The following SPTLC1 variants were observed in gnomAD, a reference collection of about 807,000 sequenced individuals.
SPTLC1 encodes serine palmitoyltransferase long chain base subunit 1, also known as serine palmitoyltransferase 1.
In SPTLC1, 55 loss-of-function variants were observed where a neutral mutation model predicts 68.9. The observed-to-expected ratio is 0.80, with a 90% confidence interval of 0.64 to 1.00. The LOEUF (loss-of-function observed/expected upper bound fraction) is 1.00, where lower values mean the gene tolerates loss of function less well. Ranked by LOEUF, SPTLC1 falls within the 50% of genes least tolerant of loss-of-function variation. SPTLC1 has a pLI of 0.00. For missense variants in SPTLC1, 449 were observed against 573.1 expected, an observed-to-expected ratio of 0.78 and a Z score of 2.21; for synonymous variants, 197 against 201.6, an observed-to-expected ratio of 0.98 and a Z score of 0.19.
chr9:92,045,171 A>C (rs1833465732), intron 12 of SPTLC1, among the ~76,000 whole-genome samples: 1 of 152,332 alleles, frequency 6.6e-6, no homozygotes, highest in African/African-American at 2.4e-5. Context: ...GTACTCATTT[A>C]TCAATTGTCC....
intron 3 of SPTLC1, among the ~76,000 whole-genome samples, chr9:92,102,114 G>A (rs1835776065): frequency 6.6e-6 from 1 of 152,164 alleles, no homozygotes; most frequent in Non-Finnish European, 1.5e-5. Context: ...TGAAGGCTAG[G>A]AAAGATGAGG....
At chr9:92,053,653 G>A (rs1325853457) in intron 8 of SPTLC1, among the ~76,000 whole-genome samples, 1 of 152,190 alleles carries the variant, frequency 6.6e-6, no homozygotes, top group African/African-American at 2.4e-5. Context: ...AGTGAATGAA[G>A]CCAGAAAGAA....
At chr9:92,084,973 G>A (rs1467494298) in intron 3 of SPTLC1, among the ~76,000 whole-genome samples, 3 of 152,086 alleles carry the variant, frequency 2.0e-5, no homozygotes, top group Admixed American at 2.0e-4. Flanking sequence ...GTCTTGGAAG[G>A]GTGTATGTGT....
At chr9:92,055,363 A>G (rs1281084550) in intron 8 of SPTLC1, 42 bp downstream of exon 8, 2 of 1,611,636 alleles carry the variant, frequency 1.2e-6, no homozygotes, top group African/African-American at 1.3e-5. Flanking sequence ...CATCTGTCAA[A>G]TAGTCCAAAT....
rs199606270 is a variant in SPTLC1 at position 92,112,520 on chromosome 9, A to G, written c.100T>C (p.Trp34Arg). 4 of 1,610,190 alleles carry G rather than the reference A, an allele frequency of 2.5e-6. No individual in the cohort carries two copies. The Admixed American group carries it at 5.0e-5, about 20-fold the overall frequency. Residue 34 changes from tryptophan (W) to arginine (R), a missense_variant, in exon 2 of 15, where the codon TGG (tryptophan) becomes CGG (arginine). By Grantham distance (101) the Trp-to-Arg change is moderately radical. Coordinates refer to ENST00000262554, the MANE Select transcript of SPTLC1 (RefSeq NM_006415.4). ...TTAGAGAAAAGAAGTCTGATTATCC[A>G]GAGGATCAGAATCCCTTCCAAAATA... ...HLILEGILIL[W>R]IIRLLFSKTY...
At chr9:92,077,087 T>G (rs533562082) in intron 5 of SPTLC1, 9 of 152,194 alleles carry the variant, frequency 5.9e-5, no homozygotes, top group African/African-American at 2.2e-4. Flanking sequence ...CTTACTAAAC[T>G]TACCCTCCAG....
intron 14 of SPTLC1, 93 bp downstream of exon 14, chr9:92,034,717 A>C: frequency 1.0e-6 from 1 of 958,838 alleles, no homozygotes; most frequent in East Asian, 2.4e-5. Context: ...TCCATAGCCT[A>C]TGATAGTCTT....
intron 7 of SPTLC1, 24 bp downstream of exon 7, chr9:92,059,155 T>A (rs370322610): frequency 6.2e-7 from 1 of 1,610,480 alleles, no homozygotes; most frequent in Admixed American, 1.7e-5. Flanking sequence ...AAGAACTGTA[T>A]AATTTTCTTC....
Position 92,085,641 on chromosome 9 carries a change from TGAG to T in SPTLC1, c.261-4681_261-4679del, listed in dbSNP as rs1237937838. On this transcript the variant is annotated intron_variant, in intron 3 of 14. Transcript: ENST00000262554. ...ATAATTTCTGTTCTTTTACATTTGC[TGAG>T]GAGAGCTTTACTTCCAACTATGTGG... 3.3e-5 allele frequency among the ~76,000 whole-genome samples: 5 copies of T among 149,938 alleles called. No individual in the cohort carries two copies. In the East Asian group the frequency reaches 7.9e-4, roughly 24 times the overall value.
At chr9:92,033,613 T>C (rs985398121) in intron 14 of SPTLC1, among the ~76,000 whole-genome samples, 4 of 152,142 alleles carry the variant, frequency 2.6e-5, no homozygotes, top group African/African-American at 4.8e-5. Context: ...TGGAGTGCAA[T>C]GGAGTGATCT....
intron 6 of SPTLC1, 112 bp downstream of exon 6, chr9:92,067,854 A>T (rs1002017225): frequency 2.1e-5 from 28 of 1,345,026 alleles, no homozygotes; most frequent in Non-Finnish European, 2.9e-5. Context: ...TTTCTTGAAA[A>T]ACAAAAAGCA....
chr9:92,031,169 T>C lies in SPTLC1; in HGVS notation c.*1296A>G, dbSNP rs886098871. 6.6e-6 allele frequency: 1 copy of C among 152,578 alleles called. No individual in the cohort carries two copies. Among genetic ancestry groups the C allele is most frequent in the Non-Finnish European group, 1.5e-5 (1 of 68,010 alleles). 9.5% of individuals were successfully genotyped at this position (152,578 alleles called of 1,614,324 possible). On this transcript the variant is annotated 3_prime_UTR_variant, in exon 15 of 15. Transcript: ENST00000262554. ...TAATCAGGAATATAGGTTTATTTCATTAAAAAATAAAACAAAACAAACCAG... is the reference window on the plus strand; with the variant it reads ...TAATCAGGAATATAGGTTTATTTCACTAAAAAATAAAACAAAACAAACCAG...
chr9:92,085,760 C>G (rs1835097928), intron 3 of SPTLC1, among the ~76,000 whole-genome samples: 1 of 152,030 alleles, frequency 6.6e-6, no homozygotes, highest in Admixed American at 6.6e-5. Flanking sequence ...TGTTAGGTCC[C>G]CTTGGTGCAG....
In SPTLC1 at chr9:92,068,105, CAGTTAAAAA is replaced by C; in HGVS notation, c.428-16_428-8del. The C allele has an allele frequency of 6.2e-7, 1 of 1,612,216 alleles. No individual in the cohort carries two copies. Among genetic ancestry groups the C allele is most frequent in the Non-Finnish European group, 8.5e-7 (1 of 1,179,486 alleles). ...TCCAAATCCAAATGAACATCTATTTCAGTTAAAAAAGTTAAATGGTTAAACTGCCTTATA... is the reference window on the plus strand; with the variant it reads ...TCCAAATCCAAATGAACATCTATTTCAGTTAAATGGTTAAACTGCCTTATA... On this transcript the variant is annotated splice_region_variant and splice_polypyrimidine_tract_variant and intron_variant, in intron 5 of 14. Transcript: ENST00000262554.
rs1254813572 is a variant in SPTLC1, at chr9:92,067,981, CCT to C, written c.543_544del (p.Asp183HisfsTer6). The C allele has an allele frequency of 7.4e-6, 12 of 1,614,050 alleles. No homozygotes were observed. The highest frequency in any genetic ancestry group is 1.0e-5 in the Non-Finnish European group (12 of 1,179,986). ...GTTTACTTACACAAAAACAATGTCC[CCT>C]CTTTTAGAGTAAGCAGGAATAGCAC... On this transcript the variant is annotated frameshift_variant, in exon 6 of 15. Transcript: ENST00000262554. LOFTEE classifies it high-confidence loss of function.
intron 3 of SPTLC1, among the ~76,000 whole-genome samples, chr9:92,082,493 G>C (rs1383582153): frequency 6.7e-6 from 1 of 148,164 alleles, no homozygotes; most frequent in Non-Finnish European, 1.5e-5. Context: ...TGCGGTGTTT[G>C]GTTTTTTGTC....
intron 7 of SPTLC1, 124 bp downstream of exon 7, chr9:92,059,054 AG>A (rs1246381752): frequency 8.8e-7 from 1 of 1,131,970 alleles, no homozygotes; most frequent in Non-Finnish European, 1.3e-6. Flanking sequence ...TTTAATAAGC[AG>A]GAACACCTTA....
In SPTLC1 at chr9:92,034,721, T is replaced by G. The variant is rs7853177; in HGVS notation, c.1328+89A>C. 942 of 999,564 alleles carry G rather than the reference T, an allele frequency of 9.4e-4. 6 individuals carry two copies. In the African/African-American group the frequency reaches 0.014, roughly 14 times the overall value. 61.9% of individuals were successfully genotyped at this position (999,564 alleles called of 1,614,324 possible). A position where few individuals can be genotyped will look rare whatever the true frequency, so the allele number is the denominator to read the frequency against. On this transcript the variant is annotated intron_variant, in intron 14 of 14. Transcript: ENST00000262554. ...ACAGATATTCTTCCATAGCCTATGA[T>G]AGTCTTTCAAAATTTTTCAAAAGAT...
chr9:92,075,032 CT>C (rs1215550306), intron 5 of SPTLC1, among the ~76,000 whole-genome samples: 2 of 152,100 alleles, frequency 1.3e-5, no homozygotes, highest in Non-Finnish European at 2.9e-5. Flanking sequence ...CCGTGACCTG[CT>C]TTCTTTTCGT....
Sources: gnomAD v4.1 joint callset for allele counts (sites outside exome capture counted in the v4.1 genomes callset) on GRCh38, gnomAD v4.1.1 for gene constraint, MANE v1.5 for transcripts, NCBI Gene and HGNC (gene_info 2026-07-23, HGNC 2026-07-21) for gene names.